ACAD9: variants seen among roughly 807,000 people sequenced by gnomAD.
The protein encoded by ACAD9 is acyl-CoA dehydrogenase family member 9, also known as complex I assembly factor ACAD9, mitochondrial.
A neutral mutation model predicts 70.2 loss-of-function variants in ACAD9; 53 were observed. The observed-to-expected ratio is 0.75, with a 90% CI of 0.61 to 0.95. The LOEUF (loss-of-function observed/expected upper bound fraction) is 0.95, where lower values mean the gene tolerates loss of function less well. Ranked by LOEUF, ACAD9 falls within the 40% of genes least tolerant of loss-of-function variation. The pLI, the probability that ACAD9 is intolerant of heterozygous loss-of-function variation, is 0.00. For synonymous variants in ACAD9, 313 were observed against 312.1 expected (o/e 1.00, Z -0.03); for missense variants, 777 against 802.8 (o/e 0.97, Z 0.39).
intron 1 of ACAD9, 137 bp downstream of exon 1, chr3:128,879,978 C>G (rs746739302): frequency 4.5e-6 from 7 of 1,556,836 alleles, no homozygotes; most frequent in Non-Finnish European, 4.3e-6. Flanking sequence ...TGTTAACACT[C>G]CGGATTCCTG....
chr3:128,910,321 T>G (rs556077521), intron 16 of ACAD9, 172 bp downstream of exon 16: 15 of 1,478,456 alleles, frequency 1.0e-5, no homozygotes, highest in Non-Finnish European at 1.2e-5. Flanking sequence ...GCTGTTCCCT[T>G]TCTTCTTCCT....
chr3:128,901,740 A>G (rs1472803870), intron 8 of ACAD9, among the ~76,000 whole-genome samples: 1 of 152,226 alleles, frequency 6.6e-6, no homozygotes, highest in Non-Finnish European at 1.5e-5. Context: ...GATGATTCAT[A>G]TGACAAAGGA....
chr3:128,898,407 A>G, intron 6 of ACAD9: 1 of 451,188 alleles, frequency 2.2e-6, no homozygotes, highest in Non-Finnish European at 4.4e-6. Context: ...AAAAATTGAT[A>G]ATTTCTCTTT....
chr3:128,881,447 A>G (rs545789519), intron 1 of ACAD9, among the ~76,000 whole-genome samples: 1 of 152,278 alleles, frequency 6.6e-6, no homozygotes, highest in Admixed American at 6.5e-5. Flanking sequence ...TATTATCTAC[A>G]TTCTGTTACT....
rs145391132 is a variant in ACAD9 at position 128,896,461 on chromosome 3, A to C, written c.479A>C (p.Glu160Ala). ...LKGIILAGTE[E>A]QKAKYLPKLA... is the part of the protein sequence containing the mutation. ...GGGATCATCTTGGCTGGCACTGAGG[A>C]GCAGAAAGCCAAATACTTGCCTAAA... Residue 160 changes from glutamate (E) to alanine (A), a missense_variant, in exon 5 of 18, where the codon GAG (glutamate) becomes GCG (alanine). Transcript: ENST00000308982. 85 of 1,614,152 alleles carry C rather than the reference A, an allele frequency of 5.3e-5. No homozygotes were observed. In the African/African-American group the frequency reaches 7.6e-4, roughly 14 times the overall value.
chr3:128,912,584 C>T lies in ACAD9; in HGVS notation c.1843C>T (p.His615Tyr). The T allele has an allele frequency of 1.2e-6, 2 of 1,614,184 alleles. No individual in the cohort carries two copies. Among genetic ancestry groups the T allele is most frequent in the Non-Finnish European group, 1.7e-6 (2 of 1,180,012 alleles). Reference sequence around the variant, plus strand: ...TGAGAAGCGAGCCTATATCTGTGCCCACCCTCTGGACAGGACATGCTGAGG... The same window carrying T: ...TGAGAAGCGAGCCTATATCTGTGCCTACCCTCTGGACAGGACATGCTGAGG... ...ILEKRAYICA[H>Y]PLDRTC Residue 615 changes from histidine (H) to tyrosine (Y), a missense_variant, in exon 18 of 18, where the codon CAC becomes TAC. Coordinates refer to ENST00000308982, the MANE Select transcript of ACAD9 (RefSeq NM_014049.5).
chr3:128,897,612 A>G lies in ACAD9; in HGVS notation c.555-20A>G. The G allele has an allele frequency of 6.2e-7, 1 of 1,610,178 alleles. No individual in the cohort carries two copies. Among genetic ancestry groups the G allele is most frequent in the Non-Finnish European group, 8.5e-7 (1 of 1,177,794 alleles). On this transcript the variant is annotated intron_variant, in intron 5 of 17. Transcript: ENST00000308982. ...TTATTCCCAGTATTCTCCCTTGACCACATCTTTCTGCATCTGCAGTGGGAG... is the reference window on the plus strand; with the variant it reads ...TTATTCCCAGTATTCTCCCTTGACCGCATCTTTCTGCATCTGCAGTGGGAG...
chr3:128,883,175 ACCTC>A (rs1935143031), intron 1 of ACAD9, among the ~76,000 whole-genome samples: 2 of 151,026 alleles, frequency 1.3e-5, no homozygotes, highest in South Asian at 4.2e-4. Flanking sequence ...TGCAGCCTCA[ACCTC>A]CCCAGGCTCA....
intron 13 of ACAD9, 186 bp downstream of exon 13, chr3:128,908,450 C>T: frequency 1.4e-6 from 1 of 693,778 alleles, no homozygotes. Flanking sequence ...CCCTCGCTGC[C>T]CTGCCCTTAT....
intron 7 of ACAD9, 149 bp from the exon 8 acceptor site, chr3:128,901,127 C>T (rs935432226): frequency 1.5e-5 from 11 of 755,972 alleles, no homozygotes; most frequent in Middle Eastern, 2.3e-4. Flanking sequence ...GTATGAGCCT[C>T]CACAAAGATA....
chr3:128,904,004 A>C, intron 9 of ACAD9, 58 bp from the exon 10 acceptor site: 1 of 1,574,446 alleles, frequency 6.4e-7, no homozygotes, highest in Non-Finnish European at 8.7e-7. Flanking sequence ...GCCATAGGAA[A>C]TCATGTTTGA....
rs778070667 is a variant in ACAD9 at position 128,910,022 on chromosome 3, C to CCAT, written c.1569_1571dup (p.Ile523dup). ...CACTTGGAGCCTCTGTGATCCCAGACCATCATGGAGGAGCAGCTGGTACTG... is the reference window on the plus strand; with the variant it reads ...CACTTGGAGCCTCTGTGATCCCAGACCATCATCATGGAGGAGCAGCTGGTACTG... On this transcript the variant is annotated inframe_insertion and splice_region_variant, in exon 16 of 18. Coordinates refer to ENST00000308982, the MANE Select transcript of ACAD9 (RefSeq NM_014049.5). 9 of 1,613,366 alleles carry CCAT rather than the reference C, an allele frequency of 5.6e-6. No individual in the cohort carries two copies. Among genetic ancestry groups the CCAT allele is most frequent in the African/African-American group, 2.7e-5 (2 of 74,934 alleles).
At position 128,906,191 on chromosome 3, in the gene ACAD9, C is replaced by CA. The variant is rs1385531173; in HGVS notation, c.1222dup (p.Arg408LysfsTer11). 6.2e-7 allele frequency: 1 copy of CA among 1,614,106 alleles called. No individual in the cohort carries two copies. The highest frequency in any genetic ancestry group is 1.3e-5 in the African/African-American group (1 of 74,950). On this transcript the variant is annotated frameshift_variant, in exon 12 of 18. Transcript: ENST00000308982. LOFTEE classifies it high-confidence loss of function. ...CAGATCCTCGGGGGCTTGGGCTACA[C>CA]AAGGGACTATCCGTACGAGCGCATA...
In ACAD9 at chr3:128,908,122, C is replaced by G. The variant is rs1251544682; in HGVS notation, c.1279-63C>G. On this transcript the variant is annotated intron_variant, in intron 12 of 17. Coordinates refer to ENST00000308982, the MANE Select transcript of ACAD9 (RefSeq NM_014049.5). The stretch of plus-strand genomic sequence containing the variant: ...GCAGTGGCCGGCTCTACCCAGCACA[C>G]GTGGCACTACCATGGCTGCCTGGCC... The G allele has an allele frequency of 8.7e-6, 13 of 1,502,672 alleles. No individual in the cohort carries two copies. The East Asian group carries it at 2.5e-4, about 29-fold the overall frequency. The allele number at this position is 1,502,672 out of a possible 1,614,324, so 93.1% of individuals were successfully genotyped here.
intron 13 of ACAD9, 46 bp downstream of exon 13, chr3:128,908,310 C>T (rs776070048): frequency 1.9e-6 from 3 of 1,601,424 alleles, no homozygotes; most frequent in East Asian, 2.2e-5. Context: ...CATACCTGCC[C>T]AGCAGGGGCC....
chr3:128,911,778 C>T (rs912995277), intron 17 of ACAD9, among the ~76,000 whole-genome samples: 10 of 152,208 alleles, frequency 6.6e-5, no homozygotes, highest in Middle Eastern at 6.3e-3. Context: ...GGAAGGCTCA[C>T]GAAGGGAGGA....
intron 2 of ACAD9, among the ~76,000 whole-genome samples, chr3:128,893,017 G>A (rs1185562840): frequency 6.6e-6 from 1 of 152,072 alleles, no homozygotes; most frequent in Non-Finnish European, 1.5e-5. Flanking sequence ...CCCAGATCAA[G>A]AAATAGAACA....
At chr3:128,897,265 T>C (rs1162716075) in intron 5 of ACAD9, among the ~76,000 whole-genome samples, 6 of 152,218 alleles carry the variant, frequency 3.9e-5, no homozygotes, top group African/African-American at 1.4e-4. Context: ...CTCATCTCAC[T>C]GCAACCTCCG....
chr3:128,888,218 A>G (rs1286916007), intron 2 of ACAD9, among the ~76,000 whole-genome samples: 1 of 152,222 alleles, frequency 6.6e-6, no homozygotes, highest in Non-Finnish European at 1.5e-5. Flanking sequence ...CCAAAACGTT[A>G]AATACACTAC....
Sources: allele counts gnomAD v4.1 joint callset (sites outside exome capture counted in the v4.1 genomes callset), GRCh38; gene constraint gnomAD v4.1.1; transcripts MANE v1.5; gene names NCBI Gene and HGNC (gene_info 2026-07-23, HGNC 2026-07-21).